The following RANBP2 variants were observed in gnomAD, a reference collection of about 807,000 sequenced individuals.
RANBP2 encodes the protein E3 SUMO-protein ligase RanBP2.
RANBP2 carries 57 observed loss-of-function variants against 303.6 expected under a neutral mutation model. The ratio of observed to expected loss-of-function variants is 0.19; its 90% confidence interval spans 0.15 to 0.23. The LOEUF is 0.23. RANBP2 is among the 10% of genes least tolerant of loss of function. RANBP2 has a pLI of 1.00. For synonymous variants in RANBP2, 1,167 were observed against 1,301.5 expected (o/e 0.90, Z 2.23); for missense variants, 3,138 against 3,780.8 (o/e 0.83, Z 4.46).
the RANBP2 span, among the ~76,000 whole-genome samples, chr2:109,524,611 G>A: frequency 6.6e-6 from 1 of 152,050 alleles, no homozygotes; most frequent in African/African-American, 2.4e-5. Context: ...ACAGAAATTA[G>A]CCAGGCGTGG....
the RANBP2 span, among the ~76,000 whole-genome samples, chr2:108,991,829 C>T: frequency 6.6e-6 from 1 of 152,182 alleles, no homozygotes; most frequent in Non-Finnish European, 1.5e-5. Context: ...TTTGGTGAGA[C>T]AGAGTCTTGC....
At chr2:109,413,897 A>T in the RANBP2 span, among the ~76,000 whole-genome samples, 2 of 151,862 alleles carry the variant, frequency 1.3e-5, no homozygotes, top group Non-Finnish European at 2.9e-5. Flanking sequence ...AAGAGGTGTA[A>T]CTCCCCACCA....
chr2:109,401,017 G>T, the RANBP2 span, among the ~76,000 whole-genome samples: 2 of 152,308 alleles, frequency 1.3e-5, no homozygotes, highest in African/African-American at 4.8e-5. Context: ...ACCCAGTGGC[G>T]GACCAGTGTG....
chr2:108,749,498 A>C (rs1209418715), intron 9 of RANBP2, among the ~76,000 whole-genome samples: 3 of 151,712 alleles, frequency 2.0e-5, no homozygotes, highest in African/African-American at 7.3e-5. Context: ...GGGTTTCATC[A>C]TGTTGGTCAG....
the RANBP2 span, among the ~76,000 whole-genome samples, chr2:109,534,544 C>T: frequency 6.6e-6 from 1 of 152,174 alleles, no homozygotes; most frequent in Admixed American, 6.5e-5. Flanking sequence ...CTTTGGGAGG[C>T]CGAGGTGAGT....
chr2:109,611,466 T>G, the RANBP2 span, among the ~76,000 whole-genome samples: 1 of 151,644 alleles, frequency 6.6e-6, no homozygotes, highest in Non-Finnish European at 1.5e-5. Context: ...CCTAAAAAAC[T>G]TTAAACCCAA....
At position 108,745,117 on chromosome 2, in the gene RANBP2, CTT is replaced by C. The variant is rs4012073; in HGVS notation, c.976-1581_976-1580del. ...AAACCAGGACATTAGCTGGCTTTTA[CTT>C]TTTTTTTTTTTTAATGCTACTTCAA... On this transcript the variant is annotated intron_variant, in intron 7 of 28. Coordinates refer to ENST00000283195, the MANE Select transcript of RANBP2 (RefSeq NM_006267.5). Among the ~76,000 whole-genome samples, 973 of 142,292 alleles carry C rather than the reference CTT, an allele frequency of 6.8e-3. 6 individuals are homozygous for C. The highest frequency in any genetic ancestry group is 0.023 in the East Asian group (106 of 4,700). 93.3% of individuals were successfully genotyped at this position (142,292 alleles called of 152,430 possible). A position where few individuals can be genotyped will look rare whatever the true frequency, so the allele number is the denominator to read the frequency against.
chr2:109,239,056 T>A, the RANBP2 span, among the ~76,000 whole-genome samples: 1 of 152,218 alleles, frequency 6.6e-6, no homozygotes, highest in Non-Finnish European at 1.5e-5. Context: ...TCCCTGGGTT[T>A]ATGCAGTGCC....
the RANBP2 span, among the ~76,000 whole-genome samples, chr2:108,948,274 T>C: frequency 1.3e-4 from 20 of 152,242 alleles, no homozygotes; most frequent in African/African-American, 4.6e-4. Context: ...ATTGGCATTT[T>C]GGTCAAAATC....
At chr2:108,822,006 C>T in the RANBP2 span, among the ~76,000 whole-genome samples, 1 of 150,748 alleles carries the variant, frequency 6.6e-6, no homozygotes, top group Non-Finnish European at 1.5e-5. Flanking sequence ...AAAAAACTAA[C>T]TAGAGTGGCT....
the RANBP2 span, among the ~76,000 whole-genome samples, chr2:109,474,336 T>C: frequency 6.6e-6 from 1 of 152,172 alleles, no homozygotes; most frequent in Non-Finnish European, 1.5e-5. Context: ...GAGAAACCCC[T>C]GTGGGTTTCT....
the RANBP2 span, chr2:109,615,919 T>A: frequency 6.2e-7 from 1 of 1,608,316 alleles, no homozygotes. Context: ...AAAATCCGAT[T>A]CAGAACCCAG....
chr2:109,612,731 A>G, the RANBP2 span, among the ~76,000 whole-genome samples: 1 of 152,202 alleles, frequency 6.6e-6, no homozygotes, highest in African/African-American at 2.4e-5. Context: ...ACATGCACAC[A>G]AACACAGCAA....
At chr2:109,687,102 A>G in the RANBP2 span, among the ~76,000 whole-genome samples, 1 of 152,188 alleles carries the variant, frequency 6.6e-6, no homozygotes, top group African/African-American at 2.4e-5. Flanking sequence ...CTTCCCCCGC[A>G]TAGAGAACAT....
the RANBP2 span, chr2:109,616,119 T>A: frequency 2.8e-6 from 4 of 1,437,338 alleles, no homozygotes; most frequent in Non-Finnish European, 3.7e-6. Flanking sequence ...ATAAATTGAA[T>A]ACTAGGTGTT....
chr2:109,370,190 G>GGTCTCTGTCTCTGTCTCTGTCTCT, the RANBP2 span, among the ~76,000 whole-genome samples: 1 of 147,224 alleles, frequency 6.8e-6, no homozygotes, highest in Non-Finnish European at 1.5e-5. Context: ...TTGCTGTGGT[G>GGTCTCTGTCTCTGTCTCTGTCTCT]GTCTCTGTCT....
At chr2:109,707,417 A>C in the RANBP2 span, among the ~76,000 whole-genome samples, 1 of 152,214 alleles carries the variant, frequency 6.6e-6, no homozygotes, top group Admixed American at 6.5e-5. Context: ...AAGCAGTGCT[A>C]AGATTATGGG....
the RANBP2 span, among the ~76,000 whole-genome samples, chr2:109,669,968 CACCT>C: frequency 2.0e-5 from 3 of 150,884 alleles, no homozygotes; most frequent in South Asian, 6.3e-4. Context: ...TCTGATAGTG[CACCT>C]ACCCCACCAC....
At chr2:109,263,166 G>A in the RANBP2 span, among the ~76,000 whole-genome samples, 5,874 of 152,242 alleles carry the variant, frequency 0.039, 375 homozygotes, top group African/African-American at 0.13. Context: ...TGTTAAATGA[G>A]TTAAGAACGG....
Sources: gnomAD v4.1 joint callset for allele counts (sites outside exome capture counted in the v4.1 genomes callset) on GRCh38, gnomAD v4.1.1 for gene constraint, MANE v1.5 for transcripts, NCBI Gene and HGNC (gene_info 2026-07-23, HGNC 2026-07-21) for gene names.